The following DPP10 variants were observed in gnomAD, a reference collection of about 807,000 sequenced individuals.
DPP10 encodes the protein dipeptidyl peptidase like 10, also known as inactive dipeptidyl peptidase 10.
DPP10 carries 33 observed loss-of-function variants against 120.9 expected under a neutral mutation model. That is an observed-to-expected ratio of 0.27 (90% CI 0.21 to 0.37). DPP10 has a LOEUF of 0.37. Among genes scored for constraint, DPP10 ranks in the 10% least tolerant of loss-of-function variants. The pLI is 1.00. For synonymous variants in DPP10, 337 were observed against 326.1 expected (o/e 1.03, Z -0.36); for missense variants, 816 against 942.8 (o/e 0.87, Z 1.76).
At chr2:115,706,636 A>C (rs1310665519) in intron 7 of DPP10, among the ~76,000 whole-genome samples, 1 of 151,972 alleles carries the variant, frequency 6.6e-6, no homozygotes. Context: ...TTATTCTTAC[A>C]TTTGATCAGA....
intron 1 of DPP10, among the ~76,000 whole-genome samples, chr2:114,558,184 C>CAATA (rs1688475383): frequency 6.6e-6 from 1 of 152,170 alleles, no homozygotes; most frequent in Admixed American, 6.5e-5. Context: ...AGTGCCCGGG[C>CAATA]GCTCCAGGCT....
intron 1 of DPP10, among the ~76,000 whole-genome samples, chr2:114,776,845 G>A (rs1296042858): frequency 6.6e-6 from 1 of 152,136 alleles, no homozygotes; most frequent in Non-Finnish European, 1.5e-5. Context: ...TCTCTGAGCA[G>A]TGTGAGTTTT....
intron 1 of DPP10, among the ~76,000 whole-genome samples, chr2:114,724,078 T>C (rs1402794250): frequency 2.0e-5 from 3 of 152,244 alleles, no homozygotes; most frequent in South Asian, 2.1e-4. Context: ...AAGTCACTGA[T>C]GTTGGAAAGC....
At chr2:115,417,837 T>C (rs1388032780) in intron 3 of DPP10, among the ~76,000 whole-genome samples, 1 of 152,220 alleles carries the variant, frequency 6.6e-6, no homozygotes, top group African/African-American at 2.4e-5. Context: ...GTCATGCCAT[T>C]GGTCTATTTT....
chr2:115,076,942 C>T (rs1707850831), intron 1 of DPP10, among the ~76,000 whole-genome samples: 1 of 152,190 alleles, frequency 6.6e-6, no homozygotes, highest in Non-Finnish European at 1.5e-5. Flanking sequence ...AGTGGTTGTA[C>T]AAATTTACAC....
At chr2:115,040,106 T>C (rs1704524512) in intron 1 of DPP10, among the ~76,000 whole-genome samples, 1 of 152,174 alleles carries the variant, frequency 6.6e-6, no homozygotes, top group South Asian at 2.1e-4. Flanking sequence ...ATGATACTTA[T>C]AAACCTTTAC....
intron 3 of DPP10, among the ~76,000 whole-genome samples, chr2:115,447,442 G>A (rs1203921973): frequency 6.6e-6 from 1 of 152,098 alleles, no homozygotes; most frequent in Non-Finnish European, 1.5e-5. Flanking sequence ...AATATGAAAA[G>A]GGCATGAGAT....
intron 11 of DPP10, among the ~76,000 whole-genome samples, chr2:115,753,990 G>A (rs995953668): frequency 2.6e-5 from 4 of 152,080 alleles, no homozygotes; most frequent in African/African-American, 7.2e-5. Context: ...TAGCTTTTCT[G>A]TTATAAACAA....
intron 3 of DPP10, among the ~76,000 whole-genome samples, chr2:115,386,999 C>G (rs2066989766): frequency 6.6e-6 from 1 of 151,628 alleles, no homozygotes; most frequent in Non-Finnish European, 1.5e-5. Context: ...ACATATATAT[C>G]TTAAGATATG....
chr2:114,674,295 C>T (rs1233424270), intron 1 of DPP10, among the ~76,000 whole-genome samples: 1 of 151,846 alleles, frequency 6.6e-6, no homozygotes, highest in African/African-American at 2.4e-5. Context: ...TAAGTATTCT[C>T]TAATATTTAA....
rs536286915 is a variant in DPP10 at position 114,892,964 on chromosome 2, A to G, written c.61-416275A>G. Among the ~76,000 whole-genome samples, 3 of 152,330 alleles carry G rather than the reference A, an allele frequency of 2.0e-5. No individual in the cohort carries two copies. The South Asian group carries it at 6.2e-4, about 32-fold the overall frequency. On this transcript the variant is annotated intron_variant, in intron 1 of 25. Transcript: ENST00000410059. ...CACTAGTTGAGGCAGTGCTAAAACC[A>G]ATGCTCATTTGACACAAATGTTTTC... is the stretch of plus-strand genomic sequence containing the variant.
chr2:115,500,527 T>G (rs12470594), intron 4 of DPP10, among the ~76,000 whole-genome samples: 2 of 151,832 alleles, frequency 1.3e-5, no homozygotes, highest in Non-Finnish European at 2.9e-5. Flanking sequence ...GGACTAAGAA[T>G]ATTCTGTTTA....
intron 1 of DPP10, among the ~76,000 whole-genome samples, chr2:114,464,213 T>C (rs773643070): frequency 1.3e-5 from 2 of 152,212 alleles, no homozygotes; most frequent in Non-Finnish European, 2.9e-5. Context: ...GGCTATACCA[T>C]TTTGCATTCT....
At position 114,727,789 on chromosome 2, in the gene DPP10, C is replaced by G. The variant is rs115667398; in HGVS notation, c.60+284951C>G. ...AGGTACCACAAATAGAATTCGCCAG[C>G]CTCTGAACAGCTTTTTTGAGGTGAT... On this transcript the variant is annotated intron_variant, in intron 1 of 25. Transcript: ENST00000410059. Among the ~76,000 whole-genome samples the G allele has an allele frequency of 7.9e-3, 1,202 of 152,260 alleles. 15 individuals carry two copies. The highest frequency in any genetic ancestry group is 0.027 in the African/African-American group (1,131 of 41,542).
chr2:114,851,926 T>A (rs746388514), intron 1 of DPP10, among the ~76,000 whole-genome samples: 1 of 152,136 alleles, frequency 6.6e-6, no homozygotes, highest in Non-Finnish European at 1.5e-5. Flanking sequence ...CTTGGAGTTT[T>A]TTTCATGAAA....
At chr2:115,619,224 C>T (rs943857341) in intron 5 of DPP10, among the ~76,000 whole-genome samples, 1 of 149,318 alleles carries the variant, frequency 6.7e-6, no homozygotes, top group African/African-American at 2.5e-5. Context: ...ACTACAGGTG[C>T]GTGCCACCAC....
chr2:114,746,884 A>G (rs1004071911), intron 1 of DPP10, among the ~76,000 whole-genome samples: 1 of 152,206 alleles, frequency 6.6e-6, no homozygotes, highest in Non-Finnish European at 1.5e-5. Flanking sequence ...CATAAAATGG[A>G]TAAAAATCAG....
intron 11 of DPP10, among the ~76,000 whole-genome samples, chr2:115,761,077 A>G (rs973258504): frequency 2.0e-5 from 3 of 146,924 alleles, no homozygotes; most frequent in African/African-American, 7.6e-5. Context: ...AGCCTGGGCA[A>G]CAAAGCAAGA....
intron 1 of DPP10, among the ~76,000 whole-genome samples, chr2:114,527,220 C>T (rs1558845947): frequency 6.6e-6 from 1 of 152,156 alleles, no homozygotes; most frequent in Admixed American, 6.5e-5. Flanking sequence ...TGTGGGGTCA[C>T]TAAATCCTGC....
Sources: gnomAD v4.1 joint callset for allele counts (sites outside exome capture counted in the v4.1 genomes callset) on GRCh38, gnomAD v4.1.1 for gene constraint, MANE v1.5 for transcripts, NCBI Gene and HGNC (gene_info 2026-07-23, HGNC 2026-07-21) for gene names.